The following PPP1R37 variants were observed in gnomAD, a reference collection of about 807,000 sequenced individuals.
The protein encoded by PPP1R37 is protein phosphatase 1 regulatory subunit 37.
A neutral mutation model predicts 61.0 loss-of-function variants in PPP1R37; 21 were observed. That is an observed-to-expected ratio of 0.34 (90% CI 0.24 to 0.50). The LOEUF is 0.50. Ranked by LOEUF, PPP1R37 falls within the 20% of genes least tolerant of loss-of-function variation. The probability of loss-of-function intolerance (pLI) is 0.98; values close to 1 mark genes in which losing one functional copy is unlikely to be tolerated. For missense variants in PPP1R37, 910 were observed against 952.7 expected, an observed-to-expected ratio of 0.96 and a Z score of 0.59; for synonymous variants, 443 against 433.5, an observed-to-expected ratio of 1.02 and a Z score of -0.27.
intron 1 of PPP1R37, among the ~76,000 whole-genome samples, chr19:45,123,492 T>C (rs1359727477): frequency 6.6e-6 from 1 of 152,238 alleles, no homozygotes; most frequent in Non-Finnish European, 1.5e-5. Flanking sequence ...ACAACCTGTC[T>C]GTCCGGTTTG....
intron 1 of PPP1R37, among the ~76,000 whole-genome samples, chr19:45,093,812 A>G (rs368156040): frequency 7.2e-5 from 11 of 152,228 alleles, no homozygotes; most frequent in African/African-American, 2.7e-4. Context: ...GTGTTTTGTC[A>G]GATGTAGAGT....
Position 45,093,194 on chromosome 19 carries a change from T to G in PPP1R37, c.-132T>G. The G allele has an allele frequency of 1.4e-6, 1 of 736,526 alleles. No individual in the cohort carries two copies. The highest frequency in any genetic ancestry group is 1.9e-6 in the Non-Finnish European group (1 of 514,270). 45.6% of individuals were successfully genotyped at this position (736,526 alleles called of 1,614,324 possible). On this transcript the variant is annotated 5_prime_UTR_variant, in exon 1 of 13. Coordinates refer to ENST00000221462, the MANE Select transcript of PPP1R37 (RefSeq NM_019121.2). ...TCCCGGCGGCGACGACTACGACCACTAGGAGAGCGGACGGAGGCGGCGCCT... is the reference window on the plus strand; with the variant it reads ...TCCCGGCGGCGACGACTACGACCACGAGGAGAGCGGACGGAGGCGGCGCCT...
chr19:45,097,196 G>A (rs978898038), intron 1 of PPP1R37, among the ~76,000 whole-genome samples: 2 of 151,938 alleles, frequency 1.3e-5, no homozygotes, highest in Non-Finnish European at 2.9e-5. Flanking sequence ...TTGGAACAGA[G>A]GTAGGAGATT....
rs758882889 is a variant in PPP1R37, at chr19:45,122,125, A to G, written c.203-16389A>G. On this transcript the variant is annotated intron_variant, in intron 1 of 12. Coordinates refer to ENST00000221462, the MANE Select transcript of PPP1R37 (RefSeq NM_019121.2). ...GGTTCTGTCCCTCCCCTGCCCCCCA[A>G]CTGAGGCCGTGGCATTGTGGGAGCA... 7.2e-5 allele frequency among the ~76,000 whole-genome samples: 11 copies of G among 152,194 alleles called. No homozygotes were observed. In the South Asian group the frequency reaches 1.5e-3, roughly 20 times the overall value.
intron 1 of PPP1R37, among the ~76,000 whole-genome samples, chr19:45,098,641 G>T (rs1968023862): frequency 1.3e-5 from 2 of 152,128 alleles, no homozygotes; most frequent in Non-Finnish European, 2.9e-5. Context: ...AGCGGGAGGG[G>T]TGGGGGCAGG....
rs1968642110 is a variant in PPP1R37, at chr19:45,143,570, G to A, written c.924G>A (p.Val308=). The part of the protein sequence containing the change: ...EGLKEQRKGL[V]TLVLWNNQLT... ...TCAAGGAGCAGAGGAAGGGGCTGGT[G>A]ACCCTGGTGCTGTGGAACAACCAGC... is the stretch of plus-strand genomic sequence containing the variant. The change falls in exon 8 of 13, where the codon GTG becomes GTA. Residue 308 remains valine (V), a synonymous_variant. Transcript: ENST00000221462. 2 of 1,535,962 alleles carry A rather than the reference G, an allele frequency of 1.3e-6. No homozygotes were observed. Among genetic ancestry groups the A allele is most frequent in the Middle Eastern group, 1.7e-4 (1 of 5,982 alleles).
chr19:45,117,469 T>G (rs1011917428), intron 1 of PPP1R37, among the ~76,000 whole-genome samples: 1 of 151,944 alleles, frequency 6.6e-6, no homozygotes, highest in African/African-American at 2.4e-5. Context: ...TGGTGCCGAG[T>G]GAAAGCCTGT....
intron 4 of PPP1R37, 75 bp from the exon 5 acceptor site, chr19:45,141,247 C>G: frequency 1.4e-6 from 2 of 1,446,628 alleles, no homozygotes; most frequent in Admixed American, 2.7e-5. Flanking sequence ...CTCGGTGGGG[C>G]CCGGTGTCAG....
At chr19:45,140,137 C>A in intron 2 of PPP1R37, 99 bp from the exon 3 acceptor site, 1 of 1,112,860 alleles carries the variant, frequency 9.0e-7, no homozygotes, top group Non-Finnish European at 1.3e-6. Context: ...AAACCCCACC[C>A]CAGAACCCTG....
At position 45,145,335 on chromosome 19, in the gene PPP1R37, C is replaced by T. The variant is rs1968675355; in HGVS notation, c.1297-18C>T. On this transcript the variant is annotated intron_variant, in intron 10 of 12. Coordinates refer to ENST00000221462, the MANE Select transcript of PPP1R37 (RefSeq NM_019121.2). The stretch of plus-strand genomic sequence containing the variant: ...GTGGGGCCGGCCTGAGAGCCCTAGC[C>T]AGGCGCTCCCGCCACAGGTGAAGAG... The T allele has an allele frequency of 6.5e-7, 1 of 1,529,628 alleles. No homozygotes were observed. The highest frequency in any genetic ancestry group is 2.4e-5 in the East Asian group (1 of 40,818). The allele number at this position is 1,529,628 out of a possible 1,614,324, so 94.8% of individuals were successfully genotyped here.
chr19:45,142,690 C>T, intron 7 of PPP1R37: 1 of 548,796 alleles, frequency 1.8e-6, no homozygotes, highest in Non-Finnish European at 3.2e-6. Context: ...CCAGGGAGGG[C>T]TTCCAGGAGG....
chr19:45,125,342 A>G (rs1412764162), intron 1 of PPP1R37, among the ~76,000 whole-genome samples: 1 of 152,156 alleles, frequency 6.6e-6, no homozygotes, highest in African/African-American at 2.4e-5. Flanking sequence ...GCGTGCCTGT[A>G]GTCCCAGCTA....
chr19:45,111,497 G>A (rs919264655), intron 1 of PPP1R37, among the ~76,000 whole-genome samples: 1 of 152,080 alleles, frequency 6.6e-6, no homozygotes, highest in East Asian at 1.9e-4. Context: ...GGCTGGTCTC[G>A]AATCCCGACC....
chr19:45,115,974 C>G, intron 1 of PPP1R37, among the ~76,000 whole-genome samples: 1 of 128,318 alleles, frequency 7.8e-6, no homozygotes, highest in Non-Finnish European at 1.7e-5. Context: ...GACTCTGTCT[C>G]AAAAAAAAAA....
chr19:45,120,439 C>T (rs932505690), intron 1 of PPP1R37, among the ~76,000 whole-genome samples: 4 of 152,166 alleles, frequency 2.6e-5, no homozygotes, highest in Non-Finnish European at 5.9e-5. Flanking sequence ...TTCTCTGTGG[C>T]GGCAGGGCTC....
intron 1 of PPP1R37, among the ~76,000 whole-genome samples, chr19:45,110,515 CT>C (rs760514831): frequency 1.3e-5 from 2 of 152,166 alleles, no homozygotes; most frequent in Non-Finnish European, 2.9e-5. Flanking sequence ...TTTGTATCCC[CT>C]GTGTTTTCCC....
intron 1 of PPP1R37, among the ~76,000 whole-genome samples, chr19:45,137,926 C>G (rs1045271734): frequency 6.6e-6 from 1 of 151,804 alleles, no homozygotes. Context: ...ATTGCTGAAG[C>G]CCAGGAGTTC....
intron 1 of PPP1R37, among the ~76,000 whole-genome samples, chr19:45,097,772 G>A (rs571495037): frequency 6.6e-6 from 1 of 152,014 alleles, no homozygotes; most frequent in Non-Finnish European, 1.5e-5. Flanking sequence ...TCCCGCGCTG[G>A]AATGGGAGAG....
chr19:45,114,489 C>CA (rs1219170845), intron 1 of PPP1R37, among the ~76,000 whole-genome samples: 1 of 152,236 alleles, frequency 6.6e-6, no homozygotes, highest in African/African-American at 2.4e-5. Context: ...TAGGACCCCA[C>CA]ATCCTCCCTG....
Sources: allele counts gnomAD v4.1 joint callset (sites outside exome capture counted in the v4.1 genomes callset), GRCh38; gene constraint gnomAD v4.1.1; transcripts MANE v1.5; gene names NCBI Gene and HGNC (gene_info 2026-07-23, HGNC 2026-07-21).